The following LSS variants were observed in gnomAD, a reference collection of about 807,000 sequenced individuals.
The protein encoded by LSS is 2,3-epoxysqualene-lanosterol cyclase.
In LSS, 90 loss-of-function variants were observed where a neutral mutation model predicts 110.3. The observed-to-expected ratio is 0.82, with a 90% CI of 0.69 to 0.97. The LOEUF (loss-of-function observed/expected upper bound fraction) is 0.97, where lower values mean the gene tolerates loss of function less well. Among genes scored for constraint, LSS ranks in the 50% least tolerant of loss-of-function variants. The pLI, the probability that LSS is intolerant of heterozygous loss-of-function variation, is 0.00. For synonymous variants in LSS, 433 were observed against 400.0 expected (o/e 1.08, Z -0.98); for missense variants, 927 against 990.0 (o/e 0.94, Z 0.85).
chr21:46,193,065 T>C (rs2079848843), intron 20 of LSS: 1 of 434,344 alleles, frequency 2.3e-6, no homozygotes, highest in African/African-American at 2.1e-5. Flanking sequence ...TACGTATGTC[T>C]GTGTGTGGCA....
chr21:46,216,489 G>A lies in LSS; in HGVS notation c.683C>T (p.Thr228Ile), dbSNP rs1402275824. 6.2e-7 allele frequency: 1 copy of A among 1,611,490 alleles called. No homozygotes were observed. Among genetic ancestry groups the A allele is most frequent in the Non-Finnish European group, 8.5e-7 (1 of 1,178,258 alleles). ...FPDWAPAHPS[T>I]LWCHCRQVYL... Reference sequence around the variant, plus strand: ...CACCTGCCGGCAGTGGCACCAGAGTGTGGAGGGGTGTGCCGGTGCCCAGTC... The same window carrying A: ...CACCTGCCGGCAGTGGCACCAGAGTATGGAGGGGTGTGCCGGTGCCCAGTC... The change falls in exon 7 of 22, where the codon ACA becomes ATA. Residue 228 changes from threonine to isoleucine, a missense_variant. Thr to Ile is a moderately conservative substitution (Grantham distance 89). Coordinates refer to ENST00000397728, the MANE Select transcript of LSS (RefSeq NM_002340.6). The surrounding 1 kb of genome is among the most constrained non-coding windows in gnomAD (Gnocchi z 4.2).
At chr21:46,200,564 G>GAA (rs977741672) in intron 17 of LSS, among the ~76,000 whole-genome samples, 155 of 139,864 alleles carry the variant, frequency 1.1e-3, no homozygotes, top group African/African-American at 3.6e-3. Flanking sequence ...CGAGACACCA[G>GAA]AAAAAAAAAA....
chr21:46,188,606 G>A lies in LSS; in HGVS notation c.*2498C>T, dbSNP rs559382840. 10 of 470,420 alleles carry A rather than the reference G, an allele frequency of 2.1e-5. 1 individual carries two copies. Among genetic ancestry groups the A allele is most frequent in the South Asian group, 9.3e-5 (6 of 64,522 alleles). The allele number at this position is 470,420 out of a possible 1,614,324, so 29.1% of individuals were successfully genotyped here. A position where few individuals can be genotyped will look rare whatever the true frequency, so the allele number is the denominator to read the frequency against. ...GTCACCCTCCCAGCACCGAGAAGCC[G>A]ACGGGGGAGGAACAGACTCCTCTGC... is the stretch of plus-strand genomic sequence containing the variant. On this transcript the variant is annotated 3_prime_UTR_variant, in exon 22 of 22. Transcript: ENST00000397728.
rs1321063340 is a variant in LSS, at chr21:46,216,364, A to T, written c.783+25T>A. 2 of 1,613,260 alleles carry T rather than the reference A, an allele frequency of 1.2e-6. No homozygotes were observed. The highest frequency in any genetic ancestry group is 1.7e-6 in the Non-Finnish European group (2 of 1,179,932). ...GTGGGTCCCAGCCCCAGAGGCCTTC[A>T]CTTTGTTCCCTGATGAGGTCCTACC... On this transcript the variant is annotated intron_variant, in intron 7 of 21. Coordinates refer to ENST00000397728, the MANE Select transcript of LSS (RefSeq NM_002340.6). This position sits in a 1 kb window ranked among gnomAD's most constrained non-coding sequence, Gnocchi z 4.2.
chr21:46,206,169 A>T (rs1430385911), intron 16 of LSS, among the ~76,000 whole-genome samples: 3 of 152,138 alleles, frequency 2.0e-5, no homozygotes, highest in African/African-American at 7.2e-5. Context: ...CCACCCCAAA[A>T]AGCCATGTGT....
intron 12 of LSS, among the ~76,000 whole-genome samples, chr21:46,210,023 A>G (rs2080107997): frequency 6.6e-6 from 1 of 150,776 alleles, no homozygotes; most frequent in Non-Finnish European, 1.5e-5. Flanking sequence ...GTTTTTCTCC[A>G]GTACTGGCTC....
In LSS at chr21:46,205,887, G is replaced by C; in HGVS notation, c.1619C>G (p.Ala540Gly). 1 of 1,611,520 alleles carries C rather than the reference G, an allele frequency of 6.2e-7. No homozygotes were observed. The highest frequency in any genetic ancestry group is 8.5e-7 in the Non-Finnish European group (1 of 1,179,024). ...YVECTSAVMQALKYFHKRFPE... is the reference protein window; with the variant it reads ...YVECTSAVMQGLKYFHKRFPE... ...GAAACGCTTGTGGAAATACTTAAGCGCCTGCATCACGGCTGAGGTGCACTC... is the reference window on the plus strand; with the variant it reads ...GAAACGCTTGTGGAAATACTTAAGCCCCTGCATCACGGCTGAGGTGCACTC... The change falls in exon 17 of 22, where the codon GCG becomes GGG. Residue 540 changes from alanine (A) to glycine (G), a missense_variant. Physicochemically the swap from Ala to Gly is moderately conservative, Grantham distance 60. Transcript: ENST00000397728.
chr21:46,222,624 A>G lies in LSS; in HGVS notation c.428+6T>C. ...TGTGCAGTGACACAGGGGCAGGCAC[A>G]CTCACAGGCCCCAGCCACCGTCAGG... On this transcript the variant is annotated splice_donor_region_variant and intron_variant, in intron 4 of 21. Coordinates refer to ENST00000397728, the MANE Select transcript of LSS (RefSeq NM_002340.6). The G allele has an allele frequency of 2.5e-6, 4 of 1,610,754 alleles. No individual in the cohort carries two copies. The highest frequency in any genetic ancestry group is 3.4e-6 in the Non-Finnish European group (4 of 1,178,166).
At chr21:46,205,581 T>C (rs962275377) in intron 17 of LSS, among the ~76,000 whole-genome samples, 19 of 152,384 alleles carry the variant, frequency 1.2e-4, no homozygotes, top group African/African-American at 4.3e-4. Context: ...GTCAGGTATG[T>C]GATGTCTTCT....
intron 20 of LSS, 105 bp from the exon 21 acceptor site, chr21:46,192,064 G>A (rs747938856): frequency 2.8e-5 from 25 of 883,816 alleles, no homozygotes; most frequent in Non-Finnish European, 4.1e-5. Context: ...ATGCTGCAGT[G>A]AGAATGGATG....
rs1350832590 is a variant in LSS at position 46,192,100 on chromosome 21, C to G, written c.1989-141G>C. 15 of 697,932 alleles carry G rather than the reference C, an allele frequency of 2.1e-5. 1 individual carries two copies. The South Asian group carries it at 2.4e-4, about 11-fold the overall frequency. 43.2% of individuals were successfully genotyped at this position (697,932 alleles called of 1,614,324 possible). On this transcript the variant is annotated intron_variant, in intron 20 of 21. Coordinates refer to ENST00000397728, the MANE Select transcript of LSS (RefSeq NM_002340.6). Reference sequence around the variant, plus strand: ...GGTCTAAACTGACGCCCACAGGCCCCGCCAGGTGCAGCCAGCGCCTCGGGC... The same window carrying G: ...GGTCTAAACTGACGCCCACAGGCCCGGCCAGGTGCAGCCAGCGCCTCGGGC...
chr21:46,200,027 G>C (rs1365746945), intron 17 of LSS, among the ~76,000 whole-genome samples: 1 of 152,226 alleles, frequency 6.6e-6, no homozygotes, highest in East Asian at 1.9e-4. Flanking sequence ...GGTGCGAGGA[G>C]TTAGCGGCTT....
intron 15 of LSS, among the ~76,000 whole-genome samples, 192 bp downstream of exon 15, chr21:46,207,236 A>G (rs762945714): frequency 6.6e-6 from 1 of 152,202 alleles, no homozygotes; most frequent in African/African-American, 2.4e-5. Flanking sequence ...GGCCCTGTGC[A>G]CACAGCCCAG....
chr21:46,209,579 G>A lies in LSS; in HGVS notation c.1241C>T (p.Ala414Val). ...RPEFSSCLQK[A>V]HEFLRLSQVP... Reference sequence around the variant, plus strand: ...CTGTGAGAGCCTCAGGAACTCATGAGCCTTCTGCAGGCAGGACGAAAACTC... The same window carrying A: ...CTGTGAGAGCCTCAGGAACTCATGAACCTTCTGCAGGCAGGACGAAAACTC... Residue 414 changes from alanine to valine, a missense_variant, in exon 13 of 22, where the codon GCT becomes GTT. By Grantham distance (64) the Ala-to-Val change is moderately conservative. Coordinates refer to ENST00000397728, the MANE Select transcript of LSS (RefSeq NM_002340.6). The surrounding 1 kb of genome is among the most constrained non-coding windows in gnomAD (Gnocchi z 4.4). 6.2e-7 allele frequency: 1 copy of A among 1,605,346 alleles called. No homozygotes were observed. Among genetic ancestry groups the A allele is most frequent in the Non-Finnish European group, 8.5e-7 (1 of 1,176,534 alleles).
At chr21:46,197,951 C>T (rs949629843) in intron 17 of LSS, among the ~76,000 whole-genome samples, 16 of 151,494 alleles carry the variant, frequency 1.1e-4, no homozygotes, top group African/African-American at 3.9e-4. Flanking sequence ...TAGACCAATA[C>T]TAAGGTCGAT....
chr21:46,226,756 A>G (rs2080346066), intron 3 of LSS, among the ~76,000 whole-genome samples: 1 of 152,254 alleles, frequency 6.6e-6, no homozygotes, highest in East Asian at 1.9e-4. Flanking sequence ...AGTCTGGGAC[A>G]AAATCAGGAT....
intron 11 of LSS, 118 bp from the exon 12 acceptor site, chr21:46,210,862 C>A (rs928073816): frequency 1.1e-6 from 1 of 915,148 alleles, no homozygotes. Context: ...CCAGCCAACG[C>A]TCAGCCTCAG....
At chr21:46,226,793 T>C (rs746517274) in intron 3 of LSS, among the ~76,000 whole-genome samples, 8 of 152,156 alleles carry the variant, frequency 5.3e-5, no homozygotes, top group Non-Finnish European at 1.0e-4. Flanking sequence ...AGTAAATGAA[T>C]AGACACAGGT....
intron 3 of LSS, among the ~76,000 whole-genome samples, chr21:46,227,112 A>G (rs2080349931): frequency 2.0e-5 from 3 of 152,220 alleles, no homozygotes. Flanking sequence ...TCCAACTGCT[A>G]TGCTCCTCCT....
Sources: gnomAD v4.1 joint callset for allele counts (sites outside exome capture counted in the v4.1 genomes callset) on GRCh38, gnomAD v4.1.1 for gene constraint, Gnocchi (gnomAD v3.1) non-coding constraint, MANE v1.5 for transcripts, NCBI Gene and HGNC (gene_info 2026-07-23, HGNC 2026-07-21) for gene names.